SLC2A11: variants seen among roughly 807,000 people sequenced by gnomAD.
The protein encoded by SLC2A11 is solute carrier family 2, facilitated glucose transporter member 11.
SLC2A11 carries 43 observed loss-of-function variants against 52.1 expected under a neutral mutation model. The ratio of observed to expected loss-of-function variants is 0.82; its 90% CI spans 0.65 to 1.06. The LOEUF (loss-of-function observed/expected upper bound fraction) is 1.06, where lower values mean the gene tolerates loss of function less well. Ranked by LOEUF, SLC2A11 falls within the 50% of genes least tolerant of loss-of-function variation. The pLI is 0.00. For missense variants in SLC2A11, 582 were observed against 654.2 expected (o/e 0.89, Z 1.20); for synonymous variants, 261 against 277.6 (o/e 0.94, Z 0.59).
In SLC2A11 at chr22:23,884,531, G is replaced by T. The variant is rs138929472; in HGVS notation, c.1299+102G>T. 9.4e-4 allele frequency: 1,464 copies of T among 1,556,356 alleles called. 19 individuals carry two copies. In the African/African-American group the frequency reaches 0.018, roughly 20 times the overall value. On this transcript the variant is annotated intron_variant, in intron 11 of 11. Transcript: ENST00000316185. The surrounding 1 kb of genome is among the most constrained non-coding windows in gnomAD (Gnocchi z 4.3). ...CCATCCAGGGAGACTGAGACTGAAA[G>T]GGAGGGGTCTTAGGGGAGCAAAGAG...
Position 23,877,036 on chromosome 22 carries a change from G to C in SLC2A11, c.416-6G>C, listed in dbSNP as rs373228246. On this transcript the variant is annotated splice_polypyrimidine_tract_variant and splice_region_variant and intron_variant, in intron 4 of 11. Coordinates refer to ENST00000316185, the MANE Select transcript of SLC2A11 (RefSeq NM_001024939.4). ...GCTGACGTGCCTCTGCTGTGCACAC[G>C]TCCAGGTGTGAGCATGAACATCCAG... 1 of 1,613,898 alleles carries C rather than the reference G, an allele frequency of 6.2e-7. No individual in the cohort carries two copies. Among genetic ancestry groups the C allele is most frequent in the Non-Finnish European group, 8.5e-7 (1 of 1,179,966 alleles).
At chr22:23,857,016 T>A (rs1487254067), upstream of SLC2A11, 9 of 1,434,798 alleles carry the variant, frequency 6.3e-6, no homozygotes, top group South Asian at 9.1e-5. Context: ...CGGTCTTTCC[T>A]AATTTTCCCG....
At chr22:23,867,578 A>T in intron 2 of SLC2A11, 1 of 413,948 alleles carries the variant, frequency 2.4e-6, no homozygotes, top group East Asian at 7.2e-5. Context: ...TATGGTAATG[A>T]GATGACAGGG....
intron 1 of SLC2A11, among the ~76,000 whole-genome samples, chr22:23,859,179 G>T (rs1321304641): frequency 6.6e-6 from 1 of 152,146 alleles, no homozygotes; most frequent in Non-Finnish European, 1.5e-5. Context: ...ACTTCCATGC[G>T]GCCCCCGTGG....
chr22:23,882,854 C>A lies in SLC2A11; in HGVS notation c.978C>A (p.Leu326=), dbSNP rs1467188097. Residue 326 remains leucine (L), a synonymous_variant, in exon 8 of 12, where the codon CTC becomes CTA. Transcript: ENST00000316185. Reference sequence around the variant, plus strand: ...TCGGGACTGGGAGCTGCGAGCTGCTCACGGCGGTTGTTAGTGTGAGTCTGG... The same window carrying A: ...TCGGGACTGGGAGCTGCGAGCTGCTAACGGCGGTTGTTAGTGTGAGTCTGG... ...AIIGTGSCEL[L]TAVVSCVVIE... is the part of the protein sequence containing the mutation. The A allele has an allele frequency of 6.2e-7, 1 of 1,612,154 alleles. No individual in the cohort carries two copies. Among genetic ancestry groups the A allele is most frequent in the Non-Finnish European group, 8.5e-7 (1 of 1,179,108 alleles).
upstream of SLC2A11, chr22:23,857,073 T>TGGGGGGGGGGGGGGG (rs60895711): frequency 4.9e-6 from 2 of 409,884 alleles, no homozygotes; most frequent in Non-Finnish European, 4.0e-6. Context: ...TGTGTGTGTG[T>TGGGGGGGGGGGGGGG]GGGGGGGGGG....
chr22:23,870,031 T>C (rs2032399510), intron 3 of SLC2A11: 4 of 717,564 alleles, frequency 5.6e-6, no homozygotes, highest in East Asian at 2.7e-5. Context: ...TACCGTTGCA[T>C]TGGAAATTAA....
At chr22:23,862,722 C>G (rs1229692689) in intron 2 of SLC2A11, among the ~76,000 whole-genome samples, 1 of 152,128 alleles carries the variant, frequency 6.6e-6, no homozygotes, top group Non-Finnish European at 1.5e-5. Context: ...CTACCAGGTT[C>G]AAGCGATTCT....
In SLC2A11 at chr22:23,885,153, A is replaced by G. The variant is rs933203266; in HGVS notation, c.*304A>G. The G allele has an allele frequency of 6.0e-6, 3 of 502,876 alleles. No individual in the cohort carries two copies. The highest frequency in any genetic ancestry group is 3.9e-5 in the African/African-American group (2 of 50,824). The allele number at this position is 502,876 out of a possible 1,614,324, so 31.2% of individuals were successfully genotyped here. On this transcript the variant is annotated 3_prime_UTR_variant, in exon 12 of 12. Transcript: ENST00000316185. ...GGATCAATTGAGGCCAGAGTTTGAA[A>G]CCAGCCTAGGTAACATAGTGAGACC... is the stretch of plus-strand genomic sequence containing the variant.
upstream of SLC2A11, chr22:23,857,584 C>CCG (rs1333392180): frequency 4.7e-6 from 7 of 1,489,098 alleles, no homozygotes; most frequent in Non-Finnish European, 6.5e-6. Context: ...CAAACCCCCC[C>CCG]CCCGCGGCGG....
chr22:23,857,705 T>C (rs1210340351), upstream of SLC2A11: 1 of 706,082 alleles, frequency 1.4e-6, no homozygotes, highest in African/African-American at 1.9e-5. Flanking sequence ...CTAGCGGCTC[T>C]GCGCTTCACT....
chr22:23,859,627 T>TA (rs1330663219), intron 1 of SLC2A11, among the ~76,000 whole-genome samples: 11 of 152,314 alleles, frequency 7.2e-5, no homozygotes, highest in African/African-American at 2.6e-4. Context: ...TAGCTGGGAT[T>TA]ACAGGTGCCC....
intron 1 of SLC2A11, among the ~76,000 whole-genome samples, 163 bp from the exon 2 acceptor site, chr22:23,861,941 T>C (rs2032082412): frequency 6.6e-6 from 1 of 152,230 alleles, no homozygotes; most frequent in Admixed American, 6.5e-5. Flanking sequence ...CTGCCAGCCA[T>C]GTGACCCAGG....
At position 23,884,614 on chromosome 22, in the gene SLC2A11, A is replaced by G; in HGVS notation, c.1300-35A>G. 6.3e-7 allele frequency: 1 copy of G among 1,593,892 alleles called. No homozygotes were observed. The highest frequency in any genetic ancestry group is 8.5e-7 in the Non-Finnish European group (1 of 1,169,970). On this transcript the variant is annotated intron_variant, in intron 11 of 11. Coordinates refer to ENST00000316185, the MANE Select transcript of SLC2A11 (RefSeq NM_001024939.4). The surrounding 1 kb of genome is among the most constrained non-coding windows in gnomAD (Gnocchi z 4.3). ...GCCTTCTGTTTAGGGGTTGATGGAG[A>G]CACACCAGGTCTTGGGGTCTTTTTT...
Position 23,883,800 on chromosome 22 carries a change from G to A in SLC2A11, c.1022G>A (p.Arg341His), listed in dbSNP as rs372590867. 23 of 1,554,770 alleles carry A rather than the reference G, an allele frequency of 1.5e-5. No homozygotes were observed. The Admixed American group carries it at 1.5e-4, about 10-fold the overall frequency. ...GTGGTAATCGAGAGGGTGGGTCGGC[G>A]CGTGCTGCTCATCGGTGGGTACAGC... ...SCVVIERVGR[R>H]VLLIGGYSLM... Residue 341 changes from arginine to histidine, a missense_variant, in exon 9 of 12, where the codon CGC becomes CAC. By Grantham distance (29) the Arg-to-His change is conservative. Transcript: ENST00000316185.
At chr22:23,874,544 C>A (rs147600872) in intron 3 of SLC2A11, among the ~76,000 whole-genome samples, 1,746 of 151,976 alleles carry the variant, frequency 0.011, 32 homozygotes, top group African/African-American at 0.039. Context: ...CTCTACCTCT[C>A]GGGTTCAAGC....
intron 2 of SLC2A11, chr22:23,865,804 C>T (rs749392502): frequency 9.9e-5 from 15 of 152,230 alleles, no homozygotes; most frequent in African/African-American, 2.4e-4. Flanking sequence ...CAACTTAGCA[C>T]GATACTTGCT....
chr22:23,858,211 G>A, intron 1 of SLC2A11, 182 bp downstream of exon 1: 1 of 987,998 alleles, frequency 1.0e-6, no homozygotes, highest in Non-Finnish European at 1.6e-6. Flanking sequence ...AGGTGTTTAC[G>A]CCCAGGGTCG....
intron 6 of SLC2A11, among the ~76,000 whole-genome samples, chr22:23,879,963 G>A (rs1295669746): frequency 6.6e-6 from 1 of 152,166 alleles, no homozygotes; most frequent in Non-Finnish European, 1.5e-5. Flanking sequence ...GCTCACGCCT[G>A]TAATCCCAGG....
Sources: gnomAD v4.1 joint callset for allele counts (sites outside exome capture counted in the v4.1 genomes callset) on GRCh38, gnomAD v4.1.1 for gene constraint, Gnocchi (gnomAD v3.1) non-coding constraint, MANE v1.5 for transcripts, NCBI Gene and HGNC (gene_info 2026-07-23, HGNC 2026-07-21) for gene names.